Variants in TNFRSF8 observed in about 807,000 individuals in gnomAD.
The protein encoded by TNFRSF8 is TNF receptor superfamily member 8.
A neutral mutation model predicts 70.8 loss-of-function variants in TNFRSF8; 26 were observed. The ratio of observed to expected loss-of-function variants is 0.37; its 90% CI spans 0.27 to 0.51. The LOEUF (loss-of-function observed/expected upper bound fraction) is 0.51. Among genes scored for constraint, TNFRSF8 ranks in the 20% least tolerant of loss-of-function variants. TNFRSF8 has a pLI of 0.94. For synonymous variants in TNFRSF8, 356 were observed against 339.2 expected (o/e 1.05, Z -0.54); for missense variants, 720 against 807.9 (o/e 0.89, Z 1.32).
rs1226874876 is a variant in TNFRSF8 at position 12,088,143 on chromosome 1, A to T, written c.151+3592A>T. Among the ~76,000 whole-genome samples the T allele has an allele frequency of 6.6e-6, 1 of 152,076 alleles. No homozygotes were observed. The highest frequency in any genetic ancestry group is 1.9e-4 in the East Asian group (1 of 5,182). On this transcript the variant is annotated intron_variant, in intron 2 of 14. Transcript: ENST00000263932. The surrounding 1 kb of genome is among the most constrained non-coding windows in gnomAD (Gnocchi z 4.0). ...TTTGAGATTGAAAAATGTAGATGTC[A>T]TCGAATCCCTCCTTGCACCCAGGCC...
At chr1:12,114,694 CTT>C (rs542462017) in intron 7 of TNFRSF8, among the ~76,000 whole-genome samples, 1,850 of 76,706 alleles carry the variant, frequency 0.024, 37 homozygotes, top group African/African-American at 0.098. Flanking sequence ...GAAAAAAAAT[CTT>C]TTTTTTTTTT....
chr1:12,111,797 G>T, intron 6 of TNFRSF8, 101 bp from the exon 7 acceptor site: 1 of 919,108 alleles, frequency 1.1e-6, no homozygotes, highest in Non-Finnish European at 1.8e-6. Flanking sequence ...GCGGAGTTTG[G>T]GAGCTGGCCA....
rs146615073 is a variant in TNFRSF8 at position 12,116,017 on chromosome 1, T to C, written c.946+288T>C. On this transcript the variant is annotated intron_variant, in intron 8 of 14. Transcript: ENST00000263932. The stretch of plus-strand genomic sequence containing the variant: ...TATTTTTGAGATGGAGTTTCGCTCA[T>C]GTTGCCCAGGCTGGAGTACAATGGC... 4.9e-4 allele frequency among the ~76,000 whole-genome samples: 75 copies of C among 152,296 alleles called. No homozygotes were observed. The East Asian group carries it at 7.9e-3, about 16-fold the overall frequency.
intron 2 of TNFRSF8, among the ~76,000 whole-genome samples, chr1:12,089,234 A>G (rs74052994): frequency 0.023 from 3,470 of 152,094 alleles, 152 homozygotes; most frequent in African/African-American, 0.079. Context: ...TCCATGTGTC[A>G]TGACTTGTCT....
At chr1:12,082,073 A>G (rs1040796638) in intron 1 of TNFRSF8, among the ~76,000 whole-genome samples, 8 of 151,820 alleles carry the variant, frequency 5.3e-5, no homozygotes. Context: ...TCCACCCTAG[A>G]AGTTTCACAT....
At chr1:12,105,947 A>AG (rs938420878) in intron 4 of TNFRSF8, among the ~76,000 whole-genome samples, 2 of 151,714 alleles carry the variant, frequency 1.3e-5, no homozygotes, top group African/African-American at 4.8e-5. Flanking sequence ...CTCAAAAAAA[A>AG]AAAAAAAAAA....
At chr1:12,120,699 GTTCTT>G (rs909546741) in intron 8 of TNFRSF8, among the ~76,000 whole-genome samples, 2 of 152,142 alleles carry the variant, frequency 1.3e-5, no homozygotes, top group African/African-American at 4.8e-5. Flanking sequence ...GAGTAGGCAG[GTTCTT>G]TTCTTCTCTT....
chr1:12,065,214 C>G (rs2100936033), intron 1 of TNFRSF8, among the ~76,000 whole-genome samples: 1 of 150,746 alleles, frequency 6.6e-6, no homozygotes, highest in East Asian at 2.0e-4. Context: ...TCCCAGGTAG[C>G]TGGGATTACA....
chr1:12,068,964 C>T (rs1447077456), intron 1 of TNFRSF8, among the ~76,000 whole-genome samples: 2 of 151,630 alleles, frequency 1.3e-5, no homozygotes, highest in East Asian at 1.9e-4. Context: ...CTCCGCCTCC[C>T]GGGTTCAAGC....
intron 14 of TNFRSF8, among the ~76,000 whole-genome samples, chr1:12,140,846 T>TC (rs1452837854): frequency 1.4e-5 from 2 of 143,236 alleles, no homozygotes; most frequent in Non-Finnish European, 3.0e-5. Context: ...TCTCTGCCCA[T>TC]CCCCCTCTGG....
chr1:12,111,809 G>A (rs1305780113), intron 6 of TNFRSF8, 89 bp from the exon 7 acceptor site: 16 of 1,063,208 alleles, frequency 1.5e-5, no homozygotes, highest in Non-Finnish European at 2.2e-5. Context: ...AGCTGGCCAC[G>A]GTGAGGGATG....
At chr1:12,096,682 T>C (rs1361825938) in intron 2 of TNFRSF8, among the ~76,000 whole-genome samples, 1 of 152,138 alleles carries the variant, frequency 6.6e-6, no homozygotes, top group African/African-American at 2.4e-5. Context: ...GCTGTAGTAC[T>C]TTATACATAT....
chr1:12,101,451 TAGTACAGTA>T (rs1489312625), intron 3 of TNFRSF8, among the ~76,000 whole-genome samples: 5 of 151,876 alleles, frequency 3.3e-5, no homozygotes, highest in Non-Finnish European at 5.9e-5. Flanking sequence ...ATAAAAAGTA[TAGTACAGTA>T]AGTACGTAAA....
chr1:12,139,014 C>T (rs925766142), intron 14 of TNFRSF8, among the ~76,000 whole-genome samples: 1 of 152,210 alleles, frequency 6.6e-6, no homozygotes, highest in Admixed American at 6.5e-5. Flanking sequence ...ACAGATGGGG[C>T]CCAGATGTTC....
chr1:12,099,441 G>C (rs529861131), intron 3 of TNFRSF8, among the ~76,000 whole-genome samples: 1 of 151,876 alleles, frequency 6.6e-6, no homozygotes, highest in South Asian at 2.1e-4. Context: ...CACCATTCCC[G>C]GCCCAATTTC....
intron 2 of TNFRSF8, among the ~76,000 whole-genome samples, chr1:12,094,686 C>T (rs1275411239): frequency 8.3e-5 from 12 of 145,096 alleles, no homozygotes; most frequent in South Asian, 2.2e-4. Context: ...AGTGCAGTGA[C>T]GCGATCTCGG....
chr1:12,083,757 G>A (rs1167041504), intron 1 of TNFRSF8, among the ~76,000 whole-genome samples: 1 of 152,218 alleles, frequency 6.6e-6, no homozygotes, highest in Non-Finnish European at 1.5e-5. Context: ...ATACTGCAAA[G>A]CAATGGACAG....
At chr1:12,089,590 T>C (rs770108104) in intron 2 of TNFRSF8, among the ~76,000 whole-genome samples, 14 of 152,272 alleles carry the variant, frequency 9.2e-5, no homozygotes, top group Non-Finnish European at 5.9e-5. Context: ...ACTGGCCCAA[T>C]GCAGCAAGCA....
At chr1:12,107,132 C>T (rs1346829141) in intron 4 of TNFRSF8, among the ~76,000 whole-genome samples, 1 of 152,170 alleles carries the variant, frequency 6.6e-6, no homozygotes, top group African/African-American at 2.4e-5. Flanking sequence ...CGGTGGCTCA[C>T]ACCTGTAATT....
Sources: allele counts gnomAD v4.1 joint callset (sites outside exome capture counted in the v4.1 genomes callset), GRCh38; gene constraint gnomAD v4.1.1; non-coding constraint Gnocchi (gnomAD v3.1); transcripts MANE v1.5; gene names NCBI Gene and HGNC (gene_info 2026-07-23, HGNC 2026-07-21).